The following PDE8B variants were observed in gnomAD, a reference collection of about 807,000 sequenced individuals.
The protein encoded by PDE8B is high affinity cAMP-specific and IBMX-insensitive 3',5'-cyclic phosphodiesterase 8B.
PDE8B carries 26 observed loss-of-function variants against 101.3 expected under a neutral mutation model. That is an observed-to-expected ratio of 0.26 (90% CI 0.19 to 0.36). The LOEUF is 0.36. PDE8B is among the 10% of genes least tolerant of loss of function. The pLI is 1.00. For missense variants in PDE8B, 810 were observed against 1,163.1 expected, an observed-to-expected ratio of 0.70 and a Z score of 4.42; for synonymous variants, 424 against 429.3, an observed-to-expected ratio of 0.99 and a Z score of 0.15.
At chr5:77,226,644 G>A (rs1366854592) in intron 1 of PDE8B, among the ~76,000 whole-genome samples, 1 of 152,172 alleles carries the variant, frequency 6.6e-6, no homozygotes, top group Non-Finnish European at 1.5e-5. Context: ...TCTATCCAGA[G>A]CATTAACTTC....
chr5:77,211,058 G>C lies in PDE8B; in HGVS notation c.133G>C (p.Val45Leu). 2.0e-6 allele frequency: 3 copies of C among 1,525,590 alleles called. No individual in the cohort carries two copies. Among genetic ancestry groups the C allele is most frequent in the African/African-American group, 2.9e-5 (2 of 69,980 alleles). 94.5% of individuals were successfully genotyped at this position (1,525,590 alleles called of 1,614,324 possible). A position where few individuals can be genotyped will look rare whatever the true frequency, so the allele number is the denominator to read the frequency against. The change falls in exon 1 of 22, where the codon GTC becomes CTC. Residue 45 changes from valine to leucine, a missense_variant. Around this residue, in one of 4 missense-constraint regions of PDE8B, gnomAD observed 159 missense variants for 146.6 expected, o/e 1.08. Transcript: ENST00000264917. The surrounding 1 kb of genome is among the most constrained non-coding windows in gnomAD (Gnocchi z 4.1). ...GGCGGCACCCCTGCCCGGCCTCTTC[G>C]TCCAGACCGACGCCGCCGACGCCAT... ...GPAAPLPGLF[V>L]QTDAADAIPP... is the part of the protein sequence containing the mutation.
At chr5:77,207,556 T>C (rs959124929), upstream of PDE8B, among the ~76,000 whole-genome samples, 1 of 152,354 alleles carries the variant, frequency 6.6e-6, no homozygotes, top group Admixed American at 6.5e-5. Flanking sequence ...ATGTTGGTCT[T>C]TCTGGCCTTA....
At chr5:77,170,754 C>G in the PDE8B span, among the ~76,000 whole-genome samples, 1 of 152,100 alleles carries the variant, frequency 6.6e-6, no homozygotes, top group South Asian at 2.1e-4. Flanking sequence ...TTTGCTTTTA[C>G]GAATTTGCTA....
At chr5:77,123,705 A>G in the PDE8B span, among the ~76,000 whole-genome samples, 4 of 152,096 alleles carry the variant, frequency 2.6e-5, no homozygotes, top group Admixed American at 1.3e-4. Flanking sequence ...GTTGCAGTGA[A>G]CCATGATGGT....
At chr5:77,286,247 T>C (rs1213701307) in intron 1 of PDE8B, among the ~76,000 whole-genome samples, 1 of 152,194 alleles carries the variant, frequency 6.6e-6, no homozygotes, top group Non-Finnish European at 1.5e-5. Flanking sequence ...TTCAGAGATT[T>C]TTAAATTTTT....
intron 10 of PDE8B, among the ~76,000 whole-genome samples, chr5:77,375,726 C>T (rs947821666): frequency 2.0e-5 from 3 of 152,008 alleles, no homozygotes; most frequent in African/African-American, 4.8e-5. Context: ...TGGCGCTCAG[C>T]GTGGGCTTGG....
intron 2 of PDE8B, among the ~76,000 whole-genome samples, chr5:77,313,996 G>A (rs1267096228): frequency 6.6e-6 from 1 of 152,110 alleles, no homozygotes; most frequent in African/African-American, 2.4e-5. Context: ...ATCTAAGGTT[G>A]TAAACATTTA....
chr5:77,326,669 A>G (rs764117978), intron 3 of PDE8B, among the ~76,000 whole-genome samples: 8 of 152,180 alleles, frequency 5.3e-5, no homozygotes, highest in Non-Finnish European at 7.3e-5. Flanking sequence ...TTAATAGTGT[A>G]TATAAATATA....
intron 2 of PDE8B, among the ~76,000 whole-genome samples, chr5:77,318,068 A>C (rs1257381899): frequency 6.6e-5 from 10 of 151,012 alleles, no homozygotes; most frequent in African/African-American, 9.7e-5. Flanking sequence ...AAAAAAAAAA[A>C]AAAAAAAAAC....
At chr5:77,231,342 T>C (rs1409175388) in intron 1 of PDE8B, among the ~76,000 whole-genome samples, 4 of 152,156 alleles carry the variant, frequency 2.6e-5, no homozygotes, top group African/African-American at 9.7e-5. Context: ...TACTTTTCAG[T>C]TCTTTTTGCT....
At chr5:77,312,114 T>TC in intron 2 of PDE8B, 61 bp downstream of exon 2, 1 of 1,321,970 alleles carries the variant, frequency 7.6e-7, no homozygotes, top group Non-Finnish European at 1.1e-6. Flanking sequence ...TCTTTTTTTT[T>TC]TTTTTTTGAG....
At chr5:77,274,244 G>A (rs944996146) in intron 1 of PDE8B, among the ~76,000 whole-genome samples, 1 of 152,174 alleles carries the variant, frequency 6.6e-6, no homozygotes, top group Non-Finnish European at 1.5e-5. Context: ...CTATGAGGTA[G>A]GGAGGTATTA....
chr5:77,350,635 A>T (rs1386389462), intron 8 of PDE8B, among the ~76,000 whole-genome samples: 9 of 152,012 alleles, frequency 5.9e-5, no homozygotes, highest in Non-Finnish European at 1.2e-4. Context: ...GTAGACATGA[A>T]TTTATACGCA....
chr5:77,364,576 C>G (rs979862964), intron 10 of PDE8B, among the ~76,000 whole-genome samples: 4 of 152,164 alleles, frequency 2.6e-5, no homozygotes, highest in Non-Finnish European at 5.9e-5. Flanking sequence ...GAGCCCAGCT[C>G]CAGGAAACTG....
At chr5:77,257,399 C>T (rs2149672096) in intron 1 of PDE8B, among the ~76,000 whole-genome samples, 1 of 152,010 alleles carries the variant, frequency 6.6e-6, no homozygotes, top group East Asian at 1.9e-4. Context: ...TAGTACTAAC[C>T]AAAAGAAAAC....
chr5:77,376,206 A>G lies in PDE8B; in HGVS notation c.1167+22800A>G, dbSNP rs138791866. 5.5e-3 allele frequency among the ~76,000 whole-genome samples: 842 copies of G among 152,228 alleles called. 9 individuals carry two copies. The highest frequency in any genetic ancestry group is 0.017 in the African/African-American group (724 of 41,516). Reference sequence around the variant, plus strand: ...TCAGATGGGCTACCTAGGACTAGGGATGGCTGCAGGTTTCAAGGAGCGAGT... The same window carrying G: ...TCAGATGGGCTACCTAGGACTAGGGGTGGCTGCAGGTTTCAAGGAGCGAGT... On this transcript the variant is annotated intron_variant, in intron 10 of 21. Transcript: ENST00000264917.
intron 1 of PDE8B, chr5:77,290,712 G>T (rs1248820069): frequency 6.7e-7 from 1 of 1,499,222 alleles, no homozygotes; most frequent in African/African-American, 1.4e-5. Flanking sequence ...ACCTGGCCAT[G>T]CACTGATTGA....
At chr5:77,338,404 G>A (rs2150347251) in intron 6 of PDE8B, among the ~76,000 whole-genome samples, 1 of 152,170 alleles carries the variant, frequency 6.6e-6, no homozygotes, top group South Asian at 2.1e-4. Context: ...TAAAGTGTGG[G>A]GATAAACAGT....
the PDE8B span, among the ~76,000 whole-genome samples, chr5:77,198,236 C>T: frequency 1.3e-5 from 2 of 152,194 alleles, no homozygotes; most frequent in South Asian, 4.2e-4. Flanking sequence ...CTACTGAATG[C>T]CCTGAGTGAC....
Sources: gnomAD v4.1 joint callset for allele counts (sites outside exome capture counted in the v4.1 genomes callset) on GRCh38, gnomAD v4.1.1 for gene constraint, gnomAD v4.1.1 regional missense constraint, Gnocchi (gnomAD v3.1) non-coding constraint, MANE v1.5 for transcripts, NCBI Gene and HGNC (gene_info 2026-07-23, HGNC 2026-07-21) for gene names.